The following RAD17 variants were observed in gnomAD, a reference collection of about 807,000 sequenced individuals.
RAD17 encodes the protein RAD17 checkpoint clamp loader component.
In RAD17, 31 loss-of-function variants were observed where a neutral mutation model predicts 81.5. That is an observed-to-expected ratio of 0.38 (90% confidence interval 0.29 to 0.51). The LOEUF (loss-of-function observed/expected upper bound fraction) is 0.51. Ranked by LOEUF, RAD17 falls within the 20% of genes least tolerant of loss-of-function variation. RAD17 has a pLI of 0.88. For missense variants in RAD17, 681 were observed against 781.2 expected, an observed-to-expected ratio of 0.87 and a Z score of 1.53; for synonymous variants, 261 against 266.2, an observed-to-expected ratio of 0.98 and a Z score of 0.19.
At chr5:69,413,898 T>C in intron 18 of RAD17, 133 bp from the exon 19 acceptor site, 3 of 1,120,606 alleles carry the variant, frequency 2.7e-6, no homozygotes, top group Admixed American at 2.4e-5. Flanking sequence ...GTTTTGTTTT[T>C]ATAGTTAAAG....
At chr5:69,404,740 G>C (rs1229083836) in intron 17 of RAD17, among the ~76,000 whole-genome samples, 2 of 150,714 alleles carry the variant, frequency 1.3e-5, no homozygotes, top group South Asian at 4.2e-4. Context: ...TTGCACTCCA[G>C]CCTGGGCAAC....
chr5:69,386,494 C>A, intron 11 of RAD17, 29 bp downstream of exon 11: 1 of 1,530,080 alleles, frequency 6.5e-7, no homozygotes, highest in Non-Finnish European at 8.7e-7. Flanking sequence ...AAACCTTACT[C>A]GATAACTATA....
intron 8 of RAD17, among the ~76,000 whole-genome samples, chr5:69,385,246 C>T (rs190649239): frequency 2.7e-5 from 4 of 149,578 alleles, no homozygotes; most frequent in East Asian, 2.0e-4. Flanking sequence ...AGGCGTGAGC[C>T]ACCATGCCTG....
Position 69,377,538 on chromosome 5 carries a change from C to T in RAD17, c.351+2827C>T, listed in dbSNP as rs868532961. On this transcript the variant is annotated intron_variant, in intron 6 of 18. Coordinates refer to ENST00000354868, the MANE Select transcript of RAD17 (RefSeq NM_133338.3). ...ATACGTATATATATGTGTATATATACGTATATATATGCATATATATGTATA... is the reference window on the plus strand; with the variant it reads ...ATACGTATATATATGTGTATATATATGTATATATATGCATATATATGTATA... Among the ~76,000 whole-genome samples, 4 of 16,530 alleles carry T rather than the reference C, an allele frequency of 2.4e-4. 1 individual carries two copies. Among genetic ancestry groups the T allele is most frequent in the Admixed American group, 1.5e-3 (2 of 1,350 alleles). The allele number at this position is 16,530 out of a possible 152,430, so 10.8% of individuals were successfully genotyped here.
intron 18 of RAD17, among the ~76,000 whole-genome samples, chr5:69,411,614 C>G (rs1385865605): frequency 6.6e-6 from 1 of 152,070 alleles, no homozygotes; most frequent in African/African-American, 2.4e-5. Flanking sequence ...TGTATACTGG[C>G]TTAGCTATGT....
chr5:69,377,439 GTATA>G lies in RAD17; in HGVS notation c.351+2761_351+2764del, dbSNP rs373632198. Among the ~76,000 whole-genome samples, 60 of 55,494 alleles carry G rather than the reference GTATA, an allele frequency of 1.1e-3. 1 individual carries two copies. The highest frequency in any genetic ancestry group is 4.9e-3 in the African/African-American group (50 of 10,210). 36.4% of individuals were successfully genotyped at this position (55,494 alleles called of 152,430 possible). A position where few individuals can be genotyped will look rare whatever the true frequency, so the allele number is the denominator to read the frequency against. The stretch of plus-strand genomic sequence containing the variant: ...GGTATATGTGTGTGTGTGTGTGTGT[GTATA>G]TATATATATATATATATATATATAT... On this transcript the variant is annotated intron_variant, in intron 6 of 18. Coordinates refer to ENST00000354868, the MANE Select transcript of RAD17 (RefSeq NM_133338.3).
intron 16 of RAD17, among the ~76,000 whole-genome samples, chr5:69,398,868 T>TAA (rs72281552): frequency 0.5 from 54,824 of 109,654 alleles, 13,993 homozygotes; most frequent in South Asian, 0.55. Context: ...ATCTCCTGGT[T>TAA]AAAAAAAAAA....
At chr5:69,369,785 G>C (rs1204138522), upstream of RAD17, 2 of 1,398,158 alleles carry the variant, frequency 1.4e-6, no homozygotes, top group Admixed American at 2.1e-5. Context: ...CCCTTCGCTT[G>C]CGCCGACCAG....
At chr5:69,376,203 T>TA (rs1480732768) in intron 6 of RAD17, among the ~76,000 whole-genome samples, 1 of 152,218 alleles carries the variant, frequency 6.6e-6, no homozygotes, top group Non-Finnish European at 1.5e-5. Context: ...AACTGACACA[T>TA]AATCCATGGG....
rs564776811 is a variant in RAD17 at position 69,398,721 on chromosome 5, G to A, written c.1573-1328G>A. On this transcript the variant is annotated intron_variant, in intron 16 of 18. Coordinates refer to ENST00000354868, the MANE Select transcript of RAD17 (RefSeq NM_133338.3). ...CTCAGGAGGCCGAAGCAGGAGAATC[G>A]CGTGAACCCGGGAGGCAGAAGTTGC... Among the ~76,000 whole-genome samples the A allele has an allele frequency of 9.9e-5, 15 of 151,642 alleles. No homozygotes were observed. The South Asian group carries it at 1.9e-3, about 19-fold the overall frequency.
chr5:69,396,033 CTAAT>C (rs577318797), intron 15 of RAD17, among the ~76,000 whole-genome samples: 13 of 152,210 alleles, frequency 8.5e-5, no homozygotes, highest in East Asian at 3.9e-4. Context: ...GTTATATTAA[CTAAT>C]TAGTTACATT....
intron 15 of RAD17, among the ~76,000 whole-genome samples, chr5:69,395,250 G>A (rs578059604): frequency 6.6e-6 from 1 of 152,212 alleles, no homozygotes; most frequent in South Asian, 2.1e-4. Context: ...GGTGGTTCCT[G>A]CCAGTAATTC....
At chr5:69,374,818 A>G (rs1763238757) in intron 6 of RAD17, 107 bp downstream of exon 6, 1 of 969,268 alleles carries the variant, frequency 1.0e-6, no homozygotes, top group Non-Finnish European at 1.5e-6. Flanking sequence ...AAATAAGTCT[A>G]GATCTCCTGC....
intron 4 of RAD17, among the ~76,000 whole-genome samples, chr5:69,373,198 T>A (rs1763112987): frequency 6.6e-6 from 1 of 152,236 alleles, no homozygotes; most frequent in South Asian, 2.1e-4. Context: ...TTGCTTTTTT[T>A]AATAGGTAAT....
rs774756447 is a variant in RAD17, at chr5:69,389,114, A to C, written c.975A>C (p.Ala325=). 2.5e-6 allele frequency: 4 copies of C among 1,588,082 alleles called. No individual in the cohort carries two copies. In the South Asian group the frequency reaches 4.6e-5, roughly 18 times the overall value. The change falls in exon 12 of 19, where the codon GCA becomes GCC. Residue 325 remains alanine, a synonymous_variant. Coordinates refer to ENST00000354868, the MANE Select transcript of RAD17 (RefSeq NM_133338.3). ...CQGCSGDIRS[A]INSLQFSSSK... ...GATGTTCTGGTGATATCAGAAGTGC[A>C]ATAAACAGCCTCCAGTTTTCTTCTT... is the stretch of plus-strand genomic sequence containing the variant.
intron 6 of RAD17, among the ~76,000 whole-genome samples, chr5:69,376,481 A>T (rs1304439207): frequency 2.6e-5 from 4 of 152,182 alleles, no homozygotes; most frequent in Non-Finnish European, 5.9e-5. Context: ...TTCCTTTTTT[A>T]AAAAATAGAC....
upstream of RAD17, chr5:69,369,659 G>C (rs760306889): frequency 1.3e-6 from 2 of 1,559,088 alleles, no homozygotes; most frequent in South Asian, 2.3e-5. Context: ...CTGGTTACCT[G>C]GCTTTCGATG....
At chr5:69,402,003 CAAAAAAAAAAAA>C (rs1173414879) in intron 17 of RAD17, among the ~76,000 whole-genome samples, 4 of 44,926 alleles carry the variant, frequency 8.9e-5, no homozygotes, top group Non-Finnish European at 1.5e-4. Context: ...GACTCTGTCT[CAAAAAAAAAAAA>C]AAAAAAAAAA....
At chr5:69,369,389 G>A, upstream of RAD17, 1 of 1,550,380 alleles carries the variant, frequency 6.5e-7, no homozygotes, top group Non-Finnish European at 8.7e-7. Flanking sequence ...GCCCCCACCT[G>A]GGCGCCCGAT....
Sources: gnomAD v4.1 joint callset for allele counts (sites outside exome capture counted in the v4.1 genomes callset) on GRCh38, gnomAD v4.1.1 for gene constraint, MANE v1.5 for transcripts, NCBI Gene and HGNC (gene_info 2026-07-23, HGNC 2026-07-21) for gene names.